Variants in DGKB observed in about 807,000 individuals in gnomAD.
The protein encoded by DGKB is 90 kDa diacylglycerol kinase.
A neutral mutation model predicts 114.3 loss-of-function variants in DGKB; 67 were observed. The ratio of observed to expected loss-of-function variants is 0.59; its 90% CI spans 0.48 to 0.72. The LOEUF is 0.72. Ranked by LOEUF, DGKB falls within the 30% of genes least tolerant of loss-of-function variation. The pLI is 0.00. For synonymous variants in DGKB, 398 were observed against 323.1 expected, an observed-to-expected ratio of 1.23 and a Z score of -2.49; for missense variants, 907 against 975.2, an observed-to-expected ratio of 0.93 and a Z score of 0.93.
At chr7:14,824,539 G>C (rs1037942963) in intron 2 of DGKB, among the ~76,000 whole-genome samples, 8 of 152,090 alleles carry the variant, frequency 5.3e-5, no homozygotes, top group Admixed American at 4.6e-4. Context: ...TCAGCATTCA[G>C]AAAGCTACAT....
chr7:14,270,045 T>C lies in DGKB; in HGVS notation c.2122+68470A>G, dbSNP rs1254644894. On this transcript the variant is annotated intron_variant, in intron 23 of 25. Transcript: ENST00000402815. ...CACTAAGTTTATTATAAGGCTTTTTTTGCAAAAAAAAAAAAAAAAAAAAAA... is the reference window on the plus strand; with the variant it reads ...CACTAAGTTTATTATAAGGCTTTTTCTGCAAAAAAAAAAAAAAAAAAAAAA... Among the ~76,000 whole-genome samples the C allele has an allele frequency of 3.0e-5, 4 of 134,778 alleles. No individual in the cohort carries two copies. The East Asian group carries it at 8.3e-4, about 28-fold the overall frequency. 88.4% of individuals were successfully genotyped at this position (134,778 alleles called of 152,430 possible). A position where few individuals can be genotyped will look rare whatever the true frequency, so the allele number is the denominator to read the frequency against.
chr7:14,310,394 T>A (rs943061892), intron 23 of DGKB, among the ~76,000 whole-genome samples: 6 of 152,104 alleles, frequency 3.9e-5, no homozygotes, highest in African/African-American at 1.4e-4. Flanking sequence ...GAAACATAGA[T>A]GTAGATTTCG....
intron 21 of DGKB, among the ~76,000 whole-genome samples, chr7:14,364,503 AAT>A (rs1219761375): frequency 1.3e-5 from 2 of 152,064 alleles, no homozygotes; most frequent in African/African-American, 4.8e-5. Flanking sequence ...CAATCGTCAC[AAT>A]AGAGTAATTT....
intron 21 of DGKB, among the ~76,000 whole-genome samples, chr7:14,367,808 A>C (rs1206070544): frequency 6.6e-6 from 1 of 151,984 alleles, no homozygotes; most frequent in Non-Finnish European, 1.5e-5. Flanking sequence ...CAGGAGAGAC[A>C]GAACAGGGGA....
intron 2 of DGKB, among the ~76,000 whole-genome samples, chr7:14,801,096 T>C (rs1461770834): frequency 6.6e-6 from 1 of 152,194 alleles, no homozygotes; most frequent in Non-Finnish European, 1.5e-5. Context: ...TGCATATATA[T>C]ATTTGATTCC....
At chr7:14,690,236 G>A (rs1822583742) in intron 9 of DGKB, among the ~76,000 whole-genome samples, 1 of 152,200 alleles carries the variant, frequency 6.6e-6, no homozygotes, top group Admixed American at 6.5e-5. Context: ...CAAACTGAAA[G>A]AGTATTAGGA....
intron 1 of DGKB, among the ~76,000 whole-genome samples, chr7:14,960,530 G>A (rs36907): frequency 0.35 from 53,119 of 151,722 alleles, 9,734 homozygotes; most frequent in African/African-American, 0.45. Context: ...AAGAAATAGT[G>A]CTGTGGTAAA....
At chr7:14,831,266 T>A (rs1027943892) in intron 2 of DGKB, among the ~76,000 whole-genome samples, 3 of 152,006 alleles carry the variant, frequency 2.0e-5, no homozygotes, top group Non-Finnish European at 4.4e-5. Context: ...GTATTTTGAT[T>A]ACCTTCTGGA....
chr7:14,480,929 G>C (rs1782895355), intron 20 of DGKB, among the ~76,000 whole-genome samples: 4 of 151,710 alleles, frequency 2.6e-5, no homozygotes, highest in Admixed American at 2.6e-4. Flanking sequence ...TGCTAAATAT[G>C]GTTAAATGAC....
At chr7:14,781,196 C>T (rs1397050007) in intron 2 of DGKB, among the ~76,000 whole-genome samples, 1 of 152,186 alleles carries the variant, frequency 6.6e-6, no homozygotes, top group Non-Finnish European at 1.5e-5. Flanking sequence ...GACTAACTCA[C>T]AGCCTTCAAA....
At chr7:14,289,421 T>C (rs1050801192) in intron 23 of DGKB, among the ~76,000 whole-genome samples, 1 of 152,180 alleles carries the variant, frequency 6.6e-6, no homozygotes, top group African/African-American at 2.4e-5. Context: ...TGAACAATAA[T>C]AACATATTTG....
intron 21 of DGKB, among the ~76,000 whole-genome samples, chr7:14,382,784 G>T (rs1298294407): frequency 3.3e-5 from 5 of 152,204 alleles, no homozygotes; most frequent in Admixed American, 6.5e-5. Flanking sequence ...TTGAAGAATA[G>T]ATGTGGCTAG....
At position 14,275,755 on chromosome 7, in the gene DGKB, A is replaced by T. The variant is rs116251651; in HGVS notation, c.2122+62760T>A. Among the ~76,000 whole-genome samples, 476 of 152,336 alleles carry T rather than the reference A, an allele frequency of 3.1e-3. 4 individuals carry two copies. Among genetic ancestry groups the T allele is most frequent in the African/African-American group, 1.0e-2 (414 of 41,576 alleles). ...TAATGTCAGTGATGTCCCACCAGTAACAGATTAGAAGAATTCCAAGTTTGG... is the reference window on the plus strand; with the variant it reads ...TAATGTCAGTGATGTCCCACCAGTATCAGATTAGAAGAATTCCAAGTTTGG... On this transcript the variant is annotated intron_variant, in intron 23 of 25. Coordinates refer to ENST00000402815, the MANE Select transcript of DGKB (RefSeq NM_001350709.2).
At chr7:14,968,949 T>C (rs947556255) in intron 1 of DGKB, among the ~76,000 whole-genome samples, 1 of 152,200 alleles carries the variant, frequency 6.6e-6, no homozygotes, top group African/African-American at 2.4e-5. Context: ...TATTTAAAAC[T>C]AAATATAAGA....
At chr7:14,415,290 TAA>T (rs35821467) in intron 21 of DGKB, among the ~76,000 whole-genome samples, 40,183 of 151,870 alleles carry the variant, frequency 0.26, 5,800 homozygotes, top group East Asian at 0.47. Flanking sequence ...TATTATACTT[TAA>T]AAGCTTTAGT....
chr7:14,840,737 CACACACA>C (rs1847817547), intron 2 of DGKB, among the ~76,000 whole-genome samples: 11 of 136,316 alleles, frequency 8.1e-5, no homozygotes, highest in Non-Finnish European at 1.4e-4. Flanking sequence ...CACACACACA[CACACACA>C]CCTCTCCCTT....
chr7:14,285,165 C>T (rs1584935916), intron 23 of DGKB, among the ~76,000 whole-genome samples: 3 of 152,168 alleles, frequency 2.0e-5, no homozygotes, highest in Admixed American at 1.3e-4. Flanking sequence ...CTCCTATTTC[C>T]TAATATATGC....
chr7:14,826,822 C>T (rs529554065), intron 2 of DGKB, among the ~76,000 whole-genome samples: 1 of 152,026 alleles, frequency 6.6e-6, no homozygotes, highest in Non-Finnish European at 1.5e-5. Flanking sequence ...TAATAATAAG[C>T]TCTTTATAAG....
At chr7:14,208,425 T>C (rs186434730) in intron 23 of DGKB, among the ~76,000 whole-genome samples, 25 of 152,196 alleles carry the variant, frequency 1.6e-4, no homozygotes, top group African/African-American at 5.5e-4. Context: ...ATCTTCATGT[T>C]TGAAGTAGGA....
Sources: gnomAD v4.1 joint callset for allele counts (sites outside exome capture counted in the v4.1 genomes callset) on GRCh38, gnomAD v4.1.1 for gene constraint, MANE v1.5 for transcripts, NCBI Gene and HGNC (gene_info 2026-07-23, HGNC 2026-07-21) for gene names.